TRPM3: variants seen among roughly 807,000 people sequenced by gnomAD.
TRPM3 encodes long transient receptor potential channel 3.
A neutral mutation model predicts 181.2 loss-of-function variants in TRPM3; 77 were observed. The observed-to-expected ratio is 0.42, with a 90% CI of 0.35 to 0.51. TRPM3 has a LOEUF of 0.51. Ranked by LOEUF, TRPM3 falls within the 20% of genes least tolerant of loss-of-function variation. The pLI, the probability that TRPM3 is intolerant of heterozygous loss-of-function variation, is 0.01. For missense variants in TRPM3, 1,759 were observed against 2,196.7 expected (o/e 0.80, Z 3.98); for synonymous variants, 745 against 796.4 (o/e 0.94, Z 1.09).
rs2069384051 is a variant in TRPM3, at chr9:71,105,791, C to CA, written c.177+15386_177+15387insT. ...TGTCAAATCAGTAAAATATGCAGAA[C>CA]GTAGTACGTGTATACACACACACAT... On this transcript the variant is annotated intron_variant, in intron 1 of 25. Transcript: ENST00000677713. Among the ~76,000 whole-genome samples the CA allele has an allele frequency of 4.6e-5, 7 of 152,236 alleles. No homozygotes were observed. The South Asian group carries it at 1.5e-3, about 32-fold the overall frequency.
chr9:71,226,405 A>T lies in TRPM3; in HGVS notation c.183+220248T>A, dbSNP rs566552913. The stretch of plus-strand genomic sequence containing the variant: ...ACATAGAGTGGCTGAATGGATTAAA[A>T]AAAGATGCAACAATCTGTTGCCTAC... On this transcript the variant is annotated intron_variant, in intron 1 of 24. Coordinates refer to the TRPM3 transcript ENST00000357533. 6.8e-4 allele frequency among the ~76,000 whole-genome samples: 104 copies of T among 152,302 alleles called. 1 individual carries two copies. The highest frequency in any genetic ancestry group is 2.4e-3 in the African/African-American group (101 of 41,570).
intron 1 of TRPM3, among the ~76,000 whole-genome samples, chr9:71,410,957 T>A (rs917346865): frequency 6.6e-6 from 1 of 152,106 alleles, no homozygotes; most frequent in Non-Finnish European, 1.5e-5. Context: ...CATATGAAAA[T>A]CAATAAACGT....
chr9:70,797,150 A>G (rs552738371), intron 6 of TRPM3, among the ~76,000 whole-genome samples: 8 of 152,266 alleles, frequency 5.3e-5, no homozygotes, highest in African/African-American at 1.9e-4. Context: ...AAAAAGGTAG[A>G]TAGGTTAAAT....
At chr9:71,283,983 T>C (rs1236878651) in intron 1 of TRPM3, among the ~76,000 whole-genome samples, 1 of 152,226 alleles carries the variant, frequency 6.6e-6, no homozygotes, top group East Asian at 1.9e-4. Context: ...TTCTGACAGT[T>C]AGACAATATA....
At chr9:71,340,428 A>C (rs2090880113) in intron 1 of TRPM3, among the ~76,000 whole-genome samples, 1 of 152,124 alleles carries the variant, frequency 6.6e-6, no homozygotes, top group Admixed American at 6.6e-5. Context: ...ACACAGTGGA[A>C]GGTAATTGAA....
chr9:70,646,162 G>C (rs1021851864), intron 9 of TRPM3, among the ~76,000 whole-genome samples: 15 of 152,352 alleles, frequency 9.8e-5, no homozygotes, highest in African/African-American at 3.4e-4. Context: ...GGAAGACAGT[G>C]TGGCGATTCC....
intron 21 of TRPM3, among the ~76,000 whole-genome samples, chr9:70,591,465 G>C (rs184671203): frequency 6.6e-6 from 1 of 152,100 alleles, no homozygotes; most frequent in African/African-American, 2.4e-5. Flanking sequence ...TTTCATTGCT[G>C]TCTGTGGGAC....
At chr9:70,627,265 C>CTTTTT (rs1175860330) in intron 12 of TRPM3, among the ~76,000 whole-genome samples, 55 of 79,576 alleles carry the variant, frequency 6.9e-4, no homozygotes, top group East Asian at 1.4e-3. Flanking sequence ...TCCATTGCTG[C>CTTTTT]TTTTTTTTTT....
chr9:70,636,200 T>C (rs1050184842), intron 11 of TRPM3, among the ~76,000 whole-genome samples: 7 of 152,032 alleles, frequency 4.6e-5, no homozygotes, highest in African/African-American at 1.7e-4. Flanking sequence ...ATTTTAATTA[T>C]GGGCACAGAA....
At chr9:71,376,485 A>G (rs1486689359) in intron 1 of TRPM3, among the ~76,000 whole-genome samples, 2 of 152,044 alleles carry the variant, frequency 1.3e-5, no homozygotes, top group African/African-American at 2.4e-5. Flanking sequence ...ACCATGTATA[A>G]AGTAATGCCT....
intron 18 of TRPM3, 46 bp downstream of exon 18, chr9:70,615,862 A>G: frequency 7.7e-6 from 12 of 1,550,820 alleles, no homozygotes; most frequent in Non-Finnish European, 9.6e-6. Flanking sequence ...GGACAAGTGG[A>G]TTAGGAATTC....
intron 6 of TRPM3, among the ~76,000 whole-genome samples, chr9:70,815,286 T>TTAAC (rs78478725): frequency 0.03 from 4,542 of 152,224 alleles, 92 homozygotes; most frequent in Middle Eastern, 0.058. Flanking sequence ...TATAATTTGT[T>TTAAC]TAGTTGCTTA....
At chr9:70,610,131 C>A (rs1395918500) in intron 19 of TRPM3, among the ~76,000 whole-genome samples, 1 of 151,730 alleles carries the variant, frequency 6.6e-6, no homozygotes, top group Non-Finnish European at 1.5e-5. Context: ...ATGACACTAG[C>A]AGACTGTGAG....
intron 1 of TRPM3, among the ~76,000 whole-genome samples, chr9:70,880,527 C>G (rs536759858): frequency 6.6e-6 from 1 of 151,996 alleles, no homozygotes; most frequent in Non-Finnish European, 1.5e-5. Context: ...TAAAATTGTG[C>G]CCACAGGGTC....
At chr9:70,773,391 T>TAA (rs1477676946) in intron 7 of TRPM3, among the ~76,000 whole-genome samples, 1 of 152,132 alleles carries the variant, frequency 6.6e-6, no homozygotes, top group African/African-American at 2.4e-5. Flanking sequence ...GTTTATGAAA[T>TAA]AAAGTGCCTA....
At chr9:70,656,763 A>G (rs1396830748) in intron 9 of TRPM3, among the ~76,000 whole-genome samples, 1 of 152,176 alleles carries the variant, frequency 6.6e-6, no homozygotes, top group Non-Finnish European at 1.5e-5. Context: ...GTATTTTCCA[A>G]TGAAAATAAA....
At chr9:70,789,273 C>T (rs777641864) in intron 6 of TRPM3, among the ~76,000 whole-genome samples, 39 of 152,114 alleles carry the variant, frequency 2.6e-4, no homozygotes, top group Non-Finnish European at 5.1e-4. Flanking sequence ...ACTGCATATC[C>T]AGCTGGGCTG....
Position 71,302,980 on chromosome 9 carries a change from G to A in TRPM3, c.183+143673C>T, listed in dbSNP as rs577221293. Among the ~76,000 whole-genome samples, 49 of 152,138 alleles carry A rather than the reference G, an allele frequency of 3.2e-4. No homozygotes were observed. In the South Asian group the frequency reaches 6.0e-3, roughly 19 times the overall value. ...TGAAAGCAGATGTGTGCAGAGTTTCGGAACTTGAAGCCTAAGGCCACTTCA... is the reference window on the plus strand; with the variant it reads ...TGAAAGCAGATGTGTGCAGAGTTTCAGAACTTGAAGCCTAAGGCCACTTCA... On this transcript the variant is annotated intron_variant, in intron 1 of 24. Coordinates refer to the TRPM3 transcript ENST00000357533.
At chr9:71,232,059 C>G (rs535564281) in intron 1 of TRPM3, among the ~76,000 whole-genome samples, 2 of 152,170 alleles carry the variant, frequency 1.3e-5, no homozygotes, top group African/African-American at 2.4e-5. Flanking sequence ...ATTAAAGATG[C>G]CTTCTAGTTA....
Sources: gnomAD v4.1 joint callset for allele counts (sites outside exome capture counted in the v4.1 genomes callset) on GRCh38, gnomAD v4.1.1 for gene constraint, MANE v1.5 for transcripts, NCBI Gene and HGNC (gene_info 2026-07-23, HGNC 2026-07-21) for gene names.